NOTCH2: variants seen among roughly 807,000 people sequenced by gnomAD.
NOTCH2 encodes the protein notch receptor 2.
A neutral mutation model predicts 235.8 loss-of-function variants in NOTCH2; 29 were observed. The ratio of observed to expected loss-of-function variants is 0.12; its 90% confidence interval spans 0.09 to 0.17. NOTCH2 has a LOEUF of 0.17. Ranked by LOEUF, NOTCH2 falls within the 10% of genes least tolerant of loss-of-function variation. The pLI is 1.00. For missense variants in NOTCH2, 2,285 were observed against 3,150.2 expected (o/e 0.73, Z 6.57); for synonymous variants, 1,086 against 1,141.5 (o/e 0.95, Z 0.98).
chr1:119,988,919 T>C (rs1652122388), intron 4 of NOTCH2, among the ~76,000 whole-genome samples: 1 of 152,200 alleles, frequency 6.6e-6, no homozygotes, highest in Non-Finnish European at 1.5e-5. Context: ...ACTAACTGAA[T>C]TCACCAACCA....
At chr1:120,000,184 T>C (rs1553205103) in intron 3 of NOTCH2, among the ~76,000 whole-genome samples, 1 of 151,956 alleles carries the variant, frequency 6.6e-6, no homozygotes, top group African/African-American at 2.4e-5. Flanking sequence ...ACCAAAAGGA[T>C]GACTTTGATC....
chr1:119,915,123 GCAGATACC>G lies in NOTCH2; in HGVS notation c.*175_*182del. On this transcript the variant is annotated 3_prime_UTR_variant, in exon 34 of 34. Transcript: ENST00000256646. Reference sequence around the variant, plus strand: ...TAGATTAGAATAATCAATAAGCCTTGCAGATACCCAGTGAAACTGACGAATTGCTTCTC... The same window carrying G: ...TAGATTAGAATAATCAATAAGCCTTGCAGTGAAACTGACGAATTGCTTCTC... 6.0e-6 allele frequency: 4 copies of G among 662,828 alleles called. No individual in the cohort carries two copies. Among genetic ancestry groups the G allele is most frequent in the Non-Finnish European group, 1.1e-5 (4 of 374,674 alleles). The allele number at this position is 662,828 out of a possible 1,614,324, so 41.1% of individuals were successfully genotyped here.
At chr1:120,041,084 A>ATG (rs1654546448) in intron 1 of NOTCH2, among the ~76,000 whole-genome samples, 1 of 111,560 alleles carries the variant, frequency 9.0e-6, no homozygotes, top group Non-Finnish European at 1.6e-5. Context: ...ATATATATAT[A>ATG]TATATATTCC....
chr1:119,999,960 AAAGAAAGAAAGAAAGAAAGGAAGG>A (rs1343808161), intron 3 of NOTCH2, among the ~76,000 whole-genome samples: 103 of 131,840 alleles, frequency 7.8e-4, no homozygotes, highest in African/African-American at 2.5e-3. Flanking sequence ...AGAAAGAAAG[AAAGAAAGAAAGAAAGAAAGGAAGG>A]AAGGAAGGAA....
chr1:119,936,166 G>C (rs782603121), intron 21 of NOTCH2, among the ~76,000 whole-genome samples: 2 of 152,202 alleles, frequency 1.3e-5, no homozygotes, highest in Non-Finnish European at 1.5e-5. Flanking sequence ...ATATGGCTGT[G>C]AGGTGGCTTT....
chr1:119,966,260 C>T (rs879965476), intron 9 of NOTCH2, 116 bp downstream of exon 9: 10 of 785,146 alleles, frequency 1.3e-5, no homozygotes, highest in South Asian at 6.8e-5. Context: ...TCACCAAGCA[C>T]TTACTCTAAT....
rs587643055 is a variant in NOTCH2, at chr1:120,031,044, T to C, written c.74-1057A>G. On this transcript the variant is annotated intron_variant, in intron 1 of 33. Transcript: ENST00000256646. Reference sequence around the variant, plus strand: ...AAGTTATTAAGATGTCCATCTCTTATGATAGTTAATGTATAAATACCTGAA... The same window carrying C: ...AAGTTATTAAGATGTCCATCTCTTACGATAGTTAATGTATAAATACCTGAA... Among the ~76,000 whole-genome samples, 146 of 150,914 alleles carry C rather than the reference T, an allele frequency of 9.7e-4. 1 individual carries two copies. Among genetic ancestry groups the C allele is most frequent in the African/African-American group, 3.4e-3 (140 of 41,018 alleles).
chr1:120,033,563 A>AATAC (rs1489841370), intron 1 of NOTCH2, among the ~76,000 whole-genome samples: 9 of 151,054 alleles, frequency 6.0e-5, no homozygotes, highest in African/African-American at 2.2e-4. Context: ...CAGGAAGACA[A>AATAC]ATACAGCATG....
At chr1:120,027,591 G>A (rs1653914272) in intron 2 of NOTCH2, among the ~76,000 whole-genome samples, 1 of 151,400 alleles carries the variant, frequency 6.6e-6, no homozygotes, top group Non-Finnish European at 1.5e-5. Flanking sequence ...AGCCCCACGT[G>A]CATTAGGTAT....
At chr1:120,005,067 C>A (rs1347446952) in intron 3 of NOTCH2, among the ~76,000 whole-genome samples, 1 of 152,208 alleles carries the variant, frequency 6.6e-6, no homozygotes, top group African/African-American at 2.4e-5. Context: ...GGATTGCAAG[C>A]GTGCACCACC....
In NOTCH2 at chr1:119,986,939, GA is replaced by G; in HGVS notation, c.874+20del. The G allele has an allele frequency of 1.2e-6, 2 of 1,613,276 alleles. No individual in the cohort carries two copies. The highest frequency in any genetic ancestry group is 1.7e-6 in the Non-Finnish European group (2 of 1,179,418). On this transcript the variant is annotated intron_variant, in intron 5 of 33. Coordinates refer to ENST00000256646, the MANE Select transcript of NOTCH2 (RefSeq NM_024408.4). ...TACCAATCCATATCCCATTCTGGTG[GA>G]TTCTCCACACTGTACATACCTGTCC...
Position 119,997,003 on chromosome 1 carries a change from G to A in NOTCH2, c.745C>T (p.Leu249Phe). The part of the protein sequence containing the change: ...TGDFTFECNC[L>F]PGFEGSTCER... ...ACACTAGGGAGCTCCTTACCTGGAA[G>A]GCAGTTGCACTCAAAAGTGAAGTCA... Residue 249 changes from leucine to phenylalanine, a missense_variant, in exon 4 of 34, where the codon CTT becomes TTT. Around this residue, in one of 6 missense-constraint regions of NOTCH2, gnomAD observed 431 missense variants for 757.8 expected, o/e 0.57. Transcript: ENST00000256646. The A allele has an allele frequency of 1.2e-6, 2 of 1,613,816 alleles. No individual in the cohort carries two copies. The highest frequency in any genetic ancestry group is 1.7e-6 in the Non-Finnish European group (2 of 1,179,770).
intron 1 of NOTCH2, among the ~76,000 whole-genome samples, chr1:120,040,872 C>G (rs1257980524): frequency 6.7e-6 from 1 of 149,210 alleles, no homozygotes; most frequent in Non-Finnish European, 1.5e-5. Flanking sequence ...CACATCTCTA[C>G]TAAAAATACA....
intron 2 of NOTCH2, among the ~76,000 whole-genome samples, chr1:120,024,058 G>T (rs1490045591): frequency 6.6e-6 from 1 of 151,070 alleles, no homozygotes; most frequent in Non-Finnish European, 1.5e-5. Context: ...AGCATTCTTT[G>T]TTTTATGTTA....
At chr1:120,040,600 ATC>A in intron 1 of NOTCH2, among the ~76,000 whole-genome samples, 1 of 111,776 alleles carries the variant, frequency 8.9e-6, no homozygotes, top group Non-Finnish European at 1.9e-5. Flanking sequence ...TGAGGGAAAT[ATC>A]TAAATATGGA....
chr1:119,956,614 A>G (rs1650711797), intron 12 of NOTCH2, among the ~76,000 whole-genome samples: 1 of 152,078 alleles, frequency 6.6e-6, no homozygotes, highest in Non-Finnish European at 1.5e-5. Flanking sequence ...TGATTCTTTG[A>G]GCTGTTTGTC....
At chr1:120,031,131 T>C (rs1553210919) in intron 1 of NOTCH2, among the ~76,000 whole-genome samples, 2 of 151,332 alleles carry the variant, frequency 1.3e-5, no homozygotes, top group South Asian at 4.2e-4. Context: ...TATGCATAAA[T>C]TGTGCAAGAT....
At chr1:120,065,709 C>T (rs2799243) in intron 1 of NOTCH2, among the ~76,000 whole-genome samples, 26,411 of 146,104 alleles carry the variant, frequency 0.18, 2,899 homozygotes, top group African/African-American at 0.37. Context: ...ACTACACATA[C>T]GGTAGGCTGA....
At chr1:120,047,983 G>A (rs1458729788) in intron 1 of NOTCH2, among the ~76,000 whole-genome samples, 2 of 150,908 alleles carry the variant, frequency 1.3e-5, no homozygotes, top group Non-Finnish European at 2.9e-5. Flanking sequence ...GGCCAGGCTG[G>A]TCTTGAACTC....
Sources: allele counts gnomAD v4.1 joint callset (sites outside exome capture counted in the v4.1 genomes callset), GRCh38; gene constraint gnomAD v4.1.1; regional missense constraint gnomAD v4.1.1; transcripts MANE v1.5; gene names NCBI Gene and HGNC (gene_info 2026-07-23, HGNC 2026-07-21).